Variants in NCEH1 observed in about 807,000 individuals in gnomAD.
NCEH1 encodes neutral cholesterol ester hydrolase 1.
In NCEH1, 9 loss-of-function variants were observed where a neutral mutation model predicts 25.4. The observed-to-expected ratio is 0.35, with a 90% CI of 0.21 to 0.62. The LOEUF (loss-of-function observed/expected upper bound fraction) is 0.62. Ranked by LOEUF, NCEH1 falls within the 20% of genes least tolerant of loss-of-function variation. NCEH1 has a pLI of 0.72. For synonymous variants in NCEH1, 200 were observed against 199.8 expected, an observed-to-expected ratio of 1.00 and a Z score of -0.01; for missense variants, 412 against 501.1, an observed-to-expected ratio of 0.82 and a Z score of 1.70.
At chr3:172,658,577 T>C (rs968911037) in intron 1 of NCEH1, among the ~76,000 whole-genome samples, 3 of 152,162 alleles carry the variant, frequency 2.0e-5, no homozygotes, top group African/African-American at 7.2e-5. Flanking sequence ...TCTCATTAGA[T>C]TGCACAATTA....
chr3:172,666,727 C>G (rs532501538), intron 1 of NCEH1, among the ~76,000 whole-genome samples: 23 of 152,312 alleles, frequency 1.5e-4, no homozygotes, highest in African/African-American at 4.1e-4. Context: ...CCTTTAATCT[C>G]AAGGCTGTCT....
chr3:172,662,525 G>A (rs554867575), intron 1 of NCEH1, among the ~76,000 whole-genome samples: 1 of 152,316 alleles, frequency 6.6e-6, no homozygotes, highest in African/African-American at 2.4e-5. Flanking sequence ...GATTGGAATA[G>A]TTTCAGAAGG....
At position 172,632,420 on chromosome 3, in the gene NCEH1, A is replaced by G. The variant is rs1716400565; in HGVS notation, c.*1055T>C. The G allele has an allele frequency of 6.6e-6, 1 of 152,500 alleles. No individual in the cohort carries two copies. Among genetic ancestry groups the G allele is most frequent in the Non-Finnish European group, 1.5e-5 (1 of 68,022 alleles). The allele number at this position is 152,500 out of a possible 1,614,324, so 9.4% of individuals were successfully genotyped here. A position where few individuals can be genotyped will look rare whatever the true frequency, so the allele number is the denominator to read the frequency against. ...CTTAAGTCTAGCTATGTATATTAAC[A>G]TTAAATAACTTAAAAAAATAAACAA... On this transcript the variant is annotated 3_prime_UTR_variant, in exon 5 of 5. Coordinates refer to ENST00000475381, the MANE Select transcript of NCEH1 (RefSeq NM_020792.6).
At chr3:172,650,812 GAA>G (rs768170518) in intron 1 of NCEH1, among the ~76,000 whole-genome samples, 170 of 35,854 alleles carry the variant, frequency 4.7e-3, no homozygotes, top group South Asian at 9.9e-3. Flanking sequence ...ACTCTGCCTC[GAA>G]AAAAAAAAAA....
chr3:172,643,110 G>A (rs1015142699), intron 3 of NCEH1, among the ~76,000 whole-genome samples: 2 of 151,920 alleles, frequency 1.3e-5, no homozygotes, highest in African/African-American at 4.8e-5. Flanking sequence ...GGCTAATTTT[G>A]TATTTTTAGT....
chr3:172,710,928 G>C lies in NCEH1; in HGVS notation c.57C>G (p.Val19=). Residue 19 remains valine (V), a synonymous_variant, in exon 1 of 5, where the codon GTC becomes GTG. Coordinates refer to ENST00000475381, the MANE Select transcript of NCEH1 (RefSeq NM_020792.6). Reference sequence around the variant, plus strand: ...ACACGGAGCCAGGCAGCGGGATGTAGACGTAATAGGCGGCCAGCGCCACCA... The same window carrying C: ...ACACGGAGCCAGGCAGCGGGATGTACACGTAATAGGCGGCCAGCGCCACCA... The part of the protein sequence containing the change: ...TALVALAAYY[V]YIPLPGSVSD... The C allele has an allele frequency of 6.2e-7, 1 of 1,614,174 alleles. No homozygotes were observed. Among genetic ancestry groups the C allele is most frequent in the Non-Finnish European group, 8.5e-7 (1 of 1,180,032 alleles).
intron 1 of NCEH1, among the ~76,000 whole-genome samples, chr3:172,698,464 C>T (rs1246700751): frequency 6.6e-6 from 1 of 152,166 alleles, no homozygotes; most frequent in African/African-American, 2.4e-5. Context: ...ACACATCTTC[C>T]ACTTTTTAAA....
chr3:172,675,355 T>C (rs1221261455), intron 1 of NCEH1, among the ~76,000 whole-genome samples: 2 of 147,628 alleles, frequency 1.4e-5, no homozygotes, highest in African/African-American at 2.6e-5. Context: ...TTTTGTGAGT[T>C]GATGGGTGCA....
intron 1 of NCEH1, among the ~76,000 whole-genome samples, chr3:172,666,279 G>A (rs1233415052): frequency 6.6e-6 from 1 of 152,180 alleles, no homozygotes; most frequent in Non-Finnish European, 1.5e-5. Flanking sequence ...ATAACACCAT[G>A]TGTTCAGAAC....
intron 1 of NCEH1, among the ~76,000 whole-genome samples, chr3:172,671,751 TGCACACAG>T (rs1258350931): frequency 2.0e-5 from 3 of 151,798 alleles, no homozygotes; most frequent in Non-Finnish European, 4.4e-5. Flanking sequence ...CATACACACA[TGCACACAG>T]GCACACACAT....
chr3:172,683,477 C>T (rs550681710), intron 1 of NCEH1, among the ~76,000 whole-genome samples: 2 of 151,540 alleles, frequency 1.3e-5, no homozygotes, highest in East Asian at 3.9e-4. Context: ...CAAGACAAGC[C>T]TGGGCAATAT....
intron 1 of NCEH1, among the ~76,000 whole-genome samples, chr3:172,690,074 T>C (rs1712950901): frequency 6.6e-6 from 1 of 151,834 alleles, no homozygotes; most frequent in Non-Finnish European, 1.5e-5. Flanking sequence ...CGGCTAATTT[T>C]TTGTATTTTT....
chr3:172,689,756 C>A (rs929678708), intron 1 of NCEH1, among the ~76,000 whole-genome samples: 2 of 151,250 alleles, frequency 1.3e-5, no homozygotes, highest in African/African-American at 4.8e-5. Context: ...TATTTCCCTT[C>A]TCAGGGTAGT....
At chr3:172,658,264 A>T (rs1717796219) in intron 1 of NCEH1, among the ~76,000 whole-genome samples, 1 of 152,246 alleles carries the variant, frequency 6.6e-6, no homozygotes, top group South Asian at 2.1e-4. Context: ...AAGGGGAGGC[A>T]TGAATAATCT....
intron 1 of NCEH1, among the ~76,000 whole-genome samples, chr3:172,696,510 T>C (rs1713380818): frequency 6.6e-6 from 1 of 152,254 alleles, no homozygotes. Flanking sequence ...CAATGAACAA[T>C]AAACCTTTAT....
At chr3:172,693,688 C>CT (rs1560206680) in intron 1 of NCEH1, among the ~76,000 whole-genome samples, 1 of 152,116 alleles carries the variant, frequency 6.6e-6, no homozygotes, top group African/African-American at 2.4e-5. Context: ...TACTATTTTT[C>CT]TTTTCATCCA....
intron 1 of NCEH1, among the ~76,000 whole-genome samples, chr3:172,687,824 CAT>C (rs1445594668): frequency 3.7e-4 from 57 of 152,296 alleles, no homozygotes; most frequent in African/African-American, 1.3e-3. Flanking sequence ...CCAAAAATAA[CAT>C]GTGCAGGTCA....
chr3:172,710,046 A>G (rs1258349118), intron 1 of NCEH1, among the ~76,000 whole-genome samples: 1 of 152,194 alleles, frequency 6.6e-6, no homozygotes, highest in East Asian at 1.9e-4. Flanking sequence ...TTTCCTGTGT[A>G]TGGAAGGAAT....
At chr3:172,703,689 C>T (rs968937364) in intron 1 of NCEH1, among the ~76,000 whole-genome samples, 1 of 152,018 alleles carries the variant, frequency 6.6e-6, no homozygotes, top group African/African-American at 2.4e-5. Flanking sequence ...ATAGGATGTC[C>T]CATTAAAATA....
Sources: gnomAD v4.1 joint callset for allele counts (sites outside exome capture counted in the v4.1 genomes callset) on GRCh38, gnomAD v4.1.1 for gene constraint, MANE v1.5 for transcripts, NCBI Gene and HGNC (gene_info 2026-07-23, HGNC 2026-07-21) for gene names.